Variants in PARD3B observed in about 807,000 individuals in gnomAD.
The protein encoded by PARD3B is partitioning defective 3 homolog B.
PARD3B carries 103 observed loss-of-function variants against 130.2 expected under a neutral mutation model. The observed-to-expected ratio is 0.79, with a 90% CI of 0.67 to 0.93. The LOEUF is 0.93. Ranked by LOEUF, PARD3B falls within the 40% of genes least tolerant of loss-of-function variation. The pLI, the probability that PARD3B is intolerant of heterozygous loss-of-function variation, is 0.00. For missense variants in PARD3B, 1,609 were observed against 1,499.2 expected (o/e 1.07, Z -1.21); for synonymous variants, 583 against 553.2 (o/e 1.05, Z -0.76).
chr2:204,811,938 T>G (rs1312977271), intron 2 of PARD3B, among the ~76,000 whole-genome samples: 1 of 152,152 alleles, frequency 6.6e-6, no homozygotes, highest in Non-Finnish European at 1.5e-5. Flanking sequence ...TTTAAGTACT[T>G]TTTTTAACAT....
intron 21 of PARD3B, among the ~76,000 whole-genome samples, chr2:205,547,395 T>C (rs2052425204): frequency 6.6e-6 from 1 of 152,132 alleles, no homozygotes. Flanking sequence ...CTCTGTTCAG[T>C]TGTAGAGAGC....
At chr2:204,853,787 G>A (rs2044807415) in intron 2 of PARD3B, among the ~76,000 whole-genome samples, 1 of 152,138 alleles carries the variant, frequency 6.6e-6, no homozygotes, top group Non-Finnish European at 1.5e-5. Flanking sequence ...GCCCATATAG[G>A]CCTCATTCTA....
At chr2:205,205,655 A>G (rs192666318) in intron 15 of PARD3B, among the ~76,000 whole-genome samples, 15 of 152,320 alleles carry the variant, frequency 9.8e-5, no homozygotes, top group Non-Finnish European at 2.1e-4. Context: ...TTTAGCCTGA[A>G]GCAGTGTTGA....
intron 1 of PARD3B, among the ~76,000 whole-genome samples, chr2:204,656,119 T>C (rs1427884483): frequency 3.3e-5 from 5 of 152,110 alleles, no homozygotes; most frequent in Non-Finnish European, 5.9e-5. Context: ...TGCAGCATTC[T>C]ATTGGCCACT....
chr2:205,594,847 A>G lies in PARD3B; in HGVS notation c.3261-20609A>G, dbSNP rs537800027. On this transcript the variant is annotated intron_variant, in intron 22 of 22. Coordinates refer to ENST00000406610, the MANE Select transcript of PARD3B (RefSeq NM_001302769.2). ...TTTAGGGTCCATACCACTCAGCCAT[A>G]AAGTTTGGATTTGTTTACAAATGTA... 1.1e-4 allele frequency among the ~76,000 whole-genome samples: 16 copies of G among 152,340 alleles called. No homozygotes were observed. The South Asian group carries it at 3.3e-3, about 32-fold the overall frequency.
At chr2:205,583,493 A>T (rs115495696) in intron 22 of PARD3B, among the ~76,000 whole-genome samples, 1 of 152,076 alleles carries the variant, frequency 6.6e-6, no homozygotes, top group African/African-American at 2.4e-5. Context: ...GGTGGTGGTG[A>T]TGAAGAGGAT....
chr2:205,463,424 G>A lies in PARD3B; in HGVS notation c.3044+22752G>A, dbSNP rs1049891275. The stretch of plus-strand genomic sequence containing the variant: ...ATGATGTTAGTGTTAACATTTCACT[G>A]CACATTAATTCTTTAAAAAAAAAAA... On this transcript the variant is annotated intron_variant, in intron 20 of 22. Transcript: ENST00000406610. This position sits in a 1 kb window ranked among gnomAD's most constrained non-coding sequence, Gnocchi z 4.8. Among the ~76,000 whole-genome samples the A allele has an allele frequency of 6.5e-5, 9 of 137,606 alleles. No individual in the cohort carries two copies. The highest frequency in any genetic ancestry group is 4.6e-4 in the Admixed American group (6 of 13,038). 90.3% of individuals were successfully genotyped at this position (137,606 alleles called of 152,430 possible). A position where few individuals can be genotyped will look rare whatever the true frequency, so the allele number is the denominator to read the frequency against.
At chr2:205,261,861 A>G (rs779722754) in intron 16 of PARD3B, among the ~76,000 whole-genome samples, 2 of 152,168 alleles carry the variant, frequency 1.3e-5, no homozygotes, top group Non-Finnish European at 2.9e-5. Flanking sequence ...TCAGATACTA[A>G]TTAGAATTCT....
At chr2:204,995,291 C>T (rs1304798011) in intron 3 of PARD3B, among the ~76,000 whole-genome samples, 1 of 151,456 alleles carries the variant, frequency 6.6e-6, no homozygotes. Context: ...GACAAAATCT[C>T]TCAGCATTTG....
At chr2:204,791,075 A>T (rs2042184837) in intron 2 of PARD3B, among the ~76,000 whole-genome samples, 1 of 152,088 alleles carries the variant, frequency 6.6e-6, no homozygotes, top group Non-Finnish European at 1.5e-5. Flanking sequence ...ACCGCCCTCC[A>T]GCCAAGGTAG....
intron 2 of PARD3B, among the ~76,000 whole-genome samples, chr2:204,832,672 G>C (rs2043872492): frequency 6.6e-6 from 1 of 152,144 alleles, no homozygotes; most frequent in South Asian, 2.1e-4. Context: ...TGGCTGTGAT[G>C]GGTACGCTGG....
intron 1 of PARD3B, among the ~76,000 whole-genome samples, chr2:204,604,690 A>G (rs1010884158): frequency 6.6e-6 from 1 of 152,188 alleles, no homozygotes; most frequent in Non-Finnish European, 1.5e-5. Flanking sequence ...GGAGGGGCTG[A>G]GGATCCTGAG....
intron 2 of PARD3B, among the ~76,000 whole-genome samples, chr2:204,961,454 A>T (rs1201500550): frequency 6.6e-6 from 1 of 152,126 alleles, no homozygotes; most frequent in African/African-American, 2.4e-5. Context: ...ATTAATTGGG[A>T]TGTAAAGAGC....
At chr2:204,892,484 T>C (rs2046484664) in intron 2 of PARD3B, among the ~76,000 whole-genome samples, 1 of 152,206 alleles carries the variant, frequency 6.6e-6, no homozygotes, top group South Asian at 2.1e-4. Flanking sequence ...TGAATACTTG[T>C]GATGTGGCTA....
intron 1 of PARD3B, among the ~76,000 whole-genome samples, chr2:204,593,185 G>A (rs1425209803): frequency 6.6e-6 from 1 of 152,140 alleles, no homozygotes; most frequent in Non-Finnish European, 1.5e-5. Flanking sequence ...ACTACCAAAA[G>A]ACAACTGTGG....
At chr2:204,685,641 C>G (rs976806552) in intron 1 of PARD3B, among the ~76,000 whole-genome samples, 1 of 152,190 alleles carries the variant, frequency 6.6e-6, no homozygotes, top group Non-Finnish European at 1.5e-5. Flanking sequence ...AGCTCCTGCT[C>G]TGTGCATCAT....
chr2:205,089,131 C>CT (rs544161664), intron 4 of PARD3B, among the ~76,000 whole-genome samples: 7,778 of 140,228 alleles, frequency 0.055, 482 homozygotes, highest in African/African-American at 0.15. Flanking sequence ...TGGGCACTCT[C>CT]TTTTTTTTTT....
chr2:205,340,871 C>T (rs148899852), intron 18 of PARD3B, among the ~76,000 whole-genome samples: 37 of 152,076 alleles, frequency 2.4e-4, no homozygotes, highest in African/African-American at 8.9e-4. Context: ...ATATCCGGAA[C>T]ACCTAAGGAG....
intron 3 of PARD3B, among the ~76,000 whole-genome samples, chr2:205,013,546 C>T (rs528873518): frequency 1.2e-4 from 18 of 152,218 alleles, no homozygotes; most frequent in East Asian, 5.8e-4. Context: ...CTTTCCTGTA[C>T]GTTGGGCGTT....
Sources: allele counts gnomAD v4.1 joint callset (sites outside exome capture counted in the v4.1 genomes callset), GRCh38; gene constraint gnomAD v4.1.1; non-coding constraint Gnocchi (gnomAD v3.1); transcripts MANE v1.5; gene names NCBI Gene and HGNC (gene_info 2026-07-23, HGNC 2026-07-21).